CCDC9: variants seen among roughly 807,000 people sequenced by gnomAD.
The protein encoded by CCDC9 is coiled-coil domain containing 9.
Under a neutral mutation model 65.6 loss-of-function variants are expected in CCDC9, and 52 were observed. That is an observed-to-expected ratio of 0.79 (90% confidence interval 0.63 to 1.00). The LOEUF (loss-of-function observed/expected upper bound fraction) is 1.00. CCDC9 is among the 50% of genes least tolerant of loss of function. CCDC9 has a pLI of 0.00. For synonymous variants in CCDC9, 332 were observed against 280.3 expected, an observed-to-expected ratio of 1.18 and a Z score of -1.84; for missense variants, 834 against 757.2, an observed-to-expected ratio of 1.10 and a Z score of -1.19.
Position 47,258,564 on chromosome 19 carries a change from C to T in CCDC9, c.9C>T (p.Ala3=). The T allele has an allele frequency of 1.2e-6, 2 of 1,613,870 alleles. No homozygotes were observed. The highest frequency in any genetic ancestry group is 1.6e-4 in the Middle Eastern group (1 of 6,062). The stretch of plus-strand genomic sequence containing the variant: ...CAACTGCCTCCCGGTCTCAGGCAGC[C>T]ACACTCGATTTGAAATCAAAGGAGG... MA[A]TLDLKSKEEK... Residue 3 remains alanine, a synonymous_variant, in exon 3 of 12, where the codon GCC becomes GCT. Transcript: ENST00000221922.
Position 47,271,722 on chromosome 19 carries a change from TGTGTGTGTGTGCGCGCGCGCGC to T in CCDC9, c.*46_*67del, listed in dbSNP as rs749589703. The T allele has an allele frequency of 6.0e-3, 7,979 of 1,339,852 alleles. 8 individuals carry two copies. The highest frequency in any genetic ancestry group is 0.021 in the East Asian group (755 of 36,624). 83.0% of individuals were successfully genotyped at this position (1,339,852 alleles called of 1,614,324 possible). ...GTGTGTGTGTGTGTGTGTGTGTGTGTGTGTGTGTGTGCGCGCGCGCGCGCGCGCGCGCGCGCGCTAGAGGGGT... is the reference window on the plus strand; with the variant it reads ...GTGTGTGTGTGTGTGTGTGTGTGTGTGCGCGCGCGCGCGCGCTAGAGGGGT... On this transcript the variant is annotated 3_prime_UTR_variant, in exon 12 of 12. Coordinates refer to ENST00000221922, the MANE Select transcript of CCDC9 (RefSeq NM_015603.3).
At chr19:47,266,549 G>C in intron 7 of CCDC9, 62 bp from the exon 8 acceptor site, 1 of 1,446,132 alleles carries the variant, frequency 6.9e-7, no homozygotes, top group Non-Finnish European at 9.1e-7. Flanking sequence ...GATGTGCCTC[G>C]GGGCTTAGGG....
In CCDC9 at chr19:47,260,413, A is replaced by G. The variant is rs772858887; in HGVS notation, c.201A>G (p.Ala67=). ...GCTCAGTGGAGAAGGAGAACGTGGC[A>G]GTGGAGTCGGTGAGCTCGTCACTGG... ...KGRSVEKENV[A]VESEKNLGPS... Residue 67 remains alanine (A), a synonymous_variant, in exon 4 of 12, where the codon GCA becomes GCG. Transcript: ENST00000221922. The G allele has an allele frequency of 2.5e-6, 4 of 1,608,324 alleles. No homozygotes were observed. The highest frequency in any genetic ancestry group is 2.2e-5 in the East Asian group (1 of 44,560).
Position 47,258,526 on chromosome 19 carries a change from T to G in CCDC9, c.4-33T>G, listed in dbSNP as rs200133167. On this transcript the variant is annotated intron_variant, in intron 2 of 11. Transcript: ENST00000221922. The stretch of plus-strand genomic sequence containing the variant: ...AGTCCCTGGTATGGATGGAGGTTTT[T>G]CCTTCCATCCCTCAACTGCCTCCCG... 6 of 1,601,660 alleles carry G rather than the reference T, an allele frequency of 3.7e-6. No homozygotes were observed. In the African/African-American group the frequency reaches 6.7e-5, roughly 18 times the overall value.
At chr19:47,260,455 G>T (rs545196006) in intron 4 of CCDC9, 33 bp downstream of exon 4, 3 of 1,608,672 alleles carry the variant, frequency 1.9e-6, no homozygotes, top group East Asian at 2.2e-5. Context: ...GGACCCTGAG[G>T]ATGGGGAGGG....
downstream of CCDC9, chr19:47,274,841 C>A (rs1164159695): frequency 2.1e-5 from 19 of 893,622 alleles, no homozygotes; most frequent in Non-Finnish European, 2.2e-5. Flanking sequence ...GAGAGCGGGG[C>A]GGTCTGCGGG....
At chr19:47,269,929 A>G (rs371447235) in intron 8 of CCDC9, among the ~76,000 whole-genome samples, 3 of 150,458 alleles carry the variant, frequency 2.0e-5, no homozygotes, top group Middle Eastern at 3.5e-3. Context: ...ATTTGTCACT[A>G]TGCTGTCAAA....
chr19:47,258,065 G>A, intron 1 of CCDC9: 1 of 416,538 alleles, frequency 2.4e-6, no homozygotes, highest in Non-Finnish European at 4.4e-6. Context: ...TTAAGCAGTG[G>A]GTGGGGGCCA....
In CCDC9 at chr19:47,271,496, A is replaced by G. The variant is rs998806125; in HGVS notation, c.1414A>G (p.Ser472Gly). Residue 472 changes from serine to glycine, a missense_variant, in exon 12 of 12, where the codon AGT becomes GGT. By Grantham distance (56) the Ser-to-Gly change is moderately conservative. Transcript: ENST00000221922. ...CSEQAHGVPF[S>G]PEEPLLEPQA... ...TGAGCAGGCCCACGGAGTCCCCTTC[A>G]GTCCGGAGGAGCCCCTGCTGGAGCC... The G allele has an allele frequency of 1.2e-6, 2 of 1,612,766 alleles. No individual in the cohort carries two copies. The highest frequency in any genetic ancestry group is 2.7e-5 in the African/African-American group (2 of 74,780).
chr19:47,271,519 G>T lies in CCDC9; in HGVS notation c.1437G>T (p.Glu479Asp), dbSNP rs1290700334. 1 of 1,612,874 alleles carries T rather than the reference G, an allele frequency of 6.2e-7. No homozygotes were observed. The highest frequency in any genetic ancestry group is 8.5e-7 in the Non-Finnish European group (1 of 1,179,818). ...TCAGTCCGGAGGAGCCCCTGCTGGA[G>T]CCCCAGGCCCCTGGCACGCCTTCCA... is the stretch of plus-strand genomic sequence containing the variant. ...VPFSPEEPLL[E>D]PQAPGTPSSP... Residue 479 changes from glutamate (E) to aspartate (D), a missense_variant, in exon 12 of 12, where the codon GAG becomes GAT. Coordinates refer to ENST00000221922, the MANE Select transcript of CCDC9 (RefSeq NM_015603.3).
chr19:47,261,677 A>C (rs1422358129), intron 5 of CCDC9, among the ~76,000 whole-genome samples: 3 of 135,924 alleles, frequency 2.2e-5, no homozygotes, highest in Non-Finnish European at 4.6e-5. Context: ...ATGCCACTGC[A>C]CTCCAGCCTG....
At chr19:47,274,860 GGGGCCTGGTGGGGGC>G, downstream of CCDC9, 1 of 1,124,002 alleles carries the variant, frequency 8.9e-7, no homozygotes, top group African/African-American at 1.9e-5. Flanking sequence ...GGGTGGGGGC[GGGGCCTGGTGGGGGC>G]GGGGCCTGTG....
In CCDC9 at chr19:47,264,769, G is replaced by C; in HGVS notation, c.547-4G>C. 6.2e-7 allele frequency: 1 copy of C among 1,604,972 alleles called. No homozygotes were observed. The highest frequency in any genetic ancestry group is 8.5e-7 in the Non-Finnish European group (1 of 1,175,396). Reference sequence around the variant, plus strand: ...GCGCCAACCCCCTGCTCTGCTGCCTGCAGGAAGGGGTTCTTGAACCCAACC... The same window carrying C: ...GCGCCAACCCCCTGCTCTGCTGCCTCCAGGAAGGGGTTCTTGAACCCAACC... On this transcript the variant is annotated splice_polypyrimidine_tract_variant and splice_region_variant and intron_variant, in intron 6 of 11. Transcript: ENST00000221922.
At position 47,266,970 on chromosome 19, in the gene CCDC9, C is replaced by CT. The variant is rs1004084324; in HGVS notation, c.902+190dup. On this transcript the variant is annotated intron_variant, in intron 8 of 11. Coordinates refer to ENST00000221922, the MANE Select transcript of CCDC9 (RefSeq NM_015603.3). The stretch of plus-strand genomic sequence containing the variant: ...GGCACGTGAGAGCATTTCTGGTTTT[C>CT]TTTTTTTTTTTTGAGACGGAGTCTC... Among the ~76,000 whole-genome samples, 565 of 146,654 alleles carry CT rather than the reference C, an allele frequency of 3.9e-3. 4 individuals are homozygous for CT. Among genetic ancestry groups the CT allele is most frequent in the African/African-American group, 0.012 (464 of 40,198 alleles).
intron 1 of CCDC9, chr19:47,258,042 C>A (rs2059022308): frequency 2.9e-6 from 1 of 344,038 alleles, no homozygotes; most frequent in African/African-American, 2.1e-5. Flanking sequence ...TGGAGGAGAG[C>A]AGTGTTGGAT....
At chr19:47,273,659 G>C, downstream of CCDC9, 1 of 391,500 alleles carries the variant, frequency 2.6e-6, no homozygotes, top group East Asian at 3.6e-5. Context: ...GCACTGGGAC[G>C]GCTGGGACGC....
rs2059071051 is a variant in CCDC9 at position 47,264,907 on chromosome 19, C to T, written c.681C>T (p.Asp227=). ...ACGGCCGCAACTGGGGGGGCCCCGA[C>T]TTCGAGCGGGTGCGCTGTGGCCTTG... The part of the protein sequence containing the change: ...RRHGRNWGGP[D]FERVRCGLEH... Residue 227 remains aspartate (D), a synonymous_variant, in exon 7 of 12, where the codon GAC becomes GAT. Coordinates refer to ENST00000221922, the MANE Select transcript of CCDC9 (RefSeq NM_015603.3). 1 of 1,465,160 alleles carries T rather than the reference C, an allele frequency of 6.8e-7. No individual in the cohort carries two copies. Among genetic ancestry groups the T allele is most frequent in the African/African-American group, 1.4e-5 (1 of 70,770 alleles). 90.8% of individuals were successfully genotyped at this position (1,465,160 alleles called of 1,614,324 possible).
At chr19:47,259,013 G>C (rs1162577908) in intron 3 of CCDC9, among the ~76,000 whole-genome samples, 1 of 152,224 alleles carries the variant, frequency 6.6e-6, no homozygotes, top group East Asian at 1.9e-4. Flanking sequence ...AGGAAATTCA[G>C]GGGTCTGTGG....
At chr19:47,262,854 G>A (rs971674397) in intron 5 of CCDC9, among the ~76,000 whole-genome samples, 3 of 152,102 alleles carry the variant, frequency 2.0e-5, no homozygotes, top group African/African-American at 7.2e-5. Flanking sequence ...GGGAAGCTAA[G>A]GTGGGAGGAT....
Sources: allele counts gnomAD v4.1 joint callset (sites outside exome capture counted in the v4.1 genomes callset), GRCh38; gene constraint gnomAD v4.1.1; transcripts MANE v1.5; gene names NCBI Gene and HGNC (gene_info 2026-07-23, HGNC 2026-07-21).